KCNN2: variants seen among roughly 807,000 people sequenced by gnomAD.
KCNN2 encodes small conductance calcium-activated potassium channel protein 2.
KCNN2 carries 24 observed loss-of-function variants against 55.5 expected under a neutral mutation model. The ratio of observed to expected loss-of-function variants is 0.43; its 90% CI spans 0.31 to 0.61. The LOEUF is 0.61. KCNN2 is among the 20% of genes least tolerant of loss of function. The pLI is 0.08. For synonymous variants in KCNN2, 431 were observed against 336.1 expected (o/e 1.28, Z -3.09); for missense variants, 754 against 853.6 (o/e 0.88, Z 1.45).
At chr5:114,379,258 C>A (rs922179584) in intron 2 of KCNN2, among the ~76,000 whole-genome samples, 1 of 152,076 alleles carries the variant, frequency 6.6e-6, no homozygotes, top group African/African-American at 2.4e-5. Context: ...CACACACTTG[C>A]AAGAGTCCTC....
intron 4 of KCNN2, among the ~76,000 whole-genome samples, chr5:114,466,912 C>T (rs1447560288): frequency 2.6e-5 from 4 of 152,038 alleles, no homozygotes; most frequent in Admixed American, 6.6e-5. Flanking sequence ...AAAAGCAATG[C>T]GTAAAGCTTT....
At chr5:114,105,200 G>T (rs1751459457) in intron 1 of KCNN2, among the ~76,000 whole-genome samples, 2 of 151,988 alleles carry the variant, frequency 1.3e-5, no homozygotes, top group Admixed American at 1.3e-4. Flanking sequence ...ACCCCGCAGA[G>T]CCTATTTGTT....
At chr5:114,340,099 A>G (rs1756989756) in intron 2 of KCNN2, among the ~76,000 whole-genome samples, 1 of 152,214 alleles carries the variant, frequency 6.6e-6, no homozygotes, top group East Asian at 1.9e-4. Flanking sequence ...TTACACAATG[A>G]AAGACTGTTT....
chr5:114,364,066 G>A (rs1561588198), intron 2 of KCNN2, 65 bp downstream of exon 2: 1 of 1,173,644 alleles, frequency 8.5e-7, no homozygotes, highest in African/African-American at 1.5e-5. Flanking sequence ...GAAACGCAAG[G>A]CAGCAGAGGC....
At chr5:114,376,052 T>C (rs944546779) in intron 2 of KCNN2, among the ~76,000 whole-genome samples, 3 of 150,524 alleles carry the variant, frequency 2.0e-5, no homozygotes, top group African/African-American at 4.9e-5. Context: ...TATTTTTCAG[T>C]TGTTAAGTTT....
At chr5:114,379,957 A>G (rs1271903809) in intron 2 of KCNN2, among the ~76,000 whole-genome samples, 5 of 150,232 alleles carry the variant, frequency 3.3e-5, no homozygotes, top group African/African-American at 4.9e-5. Flanking sequence ...GTAAAAATAT[A>G]TAAGTATAGA....
At chr5:114,449,796 C>G (rs759355308) in intron 3 of KCNN2, among the ~76,000 whole-genome samples, 4 of 151,724 alleles carry the variant, frequency 2.6e-5, no homozygotes, top group Non-Finnish European at 5.9e-5. Flanking sequence ...TCTTGAGAAT[C>G]TCAGAGGGGT....
intron 2 of KCNN2, among the ~76,000 whole-genome samples, chr5:114,273,645 G>A (rs1755420436): frequency 1.3e-5 from 2 of 152,206 alleles, no homozygotes; most frequent in African/African-American, 2.4e-5. Context: ...CTGCACAGAT[G>A]TTTTCTTTTG....
chr5:114,330,671 A>G lies in KCNN2; in HGVS notation c.-184-30274A>G, dbSNP rs138108852. Among the ~76,000 whole-genome samples, 421 of 152,288 alleles carry G rather than the reference A, an allele frequency of 2.8e-3. 1 individual carries two copies. The highest frequency in any genetic ancestry group is 1.0e-2 in the African/African-American group (415 of 41,560). ...GCACACTGCTCTCAATCTGTCTGACAAATTCCCACTCAACCTTTGGAGTGT... is the reference window on the plus strand; with the variant it reads ...GCACACTGCTCTCAATCTGTCTGACGAATTCCCACTCAACCTTTGGAGTGT... On this transcript the variant is annotated intron_variant, in intron 2 of 10. Coordinates refer to the KCNN2 transcript ENST00000512097.
At chr5:114,273,731 G>C (rs1401242367) in intron 2 of KCNN2, among the ~76,000 whole-genome samples, 7 of 152,062 alleles carry the variant, frequency 4.6e-5, no homozygotes, top group Non-Finnish European at 8.8e-5. Context: ...TTAGTTCTTT[G>C]TAGATTCTGG....
chr5:114,080,651 A>T (rs753486911), intron 1 of KCNN2, among the ~76,000 whole-genome samples: 8 of 152,216 alleles, frequency 5.3e-5, no homozygotes, highest in Non-Finnish European at 8.8e-5. Context: ...TGATAAAAAC[A>T]CTAAACATAG....
At chr5:114,448,873 G>T (rs1228702272) in intron 3 of KCNN2, among the ~76,000 whole-genome samples, 1 of 152,218 alleles carries the variant, frequency 6.6e-6, no homozygotes, top group African/African-American at 2.4e-5. Context: ...GGCACCTTAA[G>T]CTGGTTGATT....
At chr5:114,391,968 A>G (rs938372065) in intron 2 of KCNN2, among the ~76,000 whole-genome samples, 2 of 152,082 alleles carry the variant, frequency 1.3e-5, no homozygotes, top group Admixed American at 1.3e-4. Context: ...GAAGAGGTCT[A>G]TGTCAGCCAT....
intron 2 of KCNN2, among the ~76,000 whole-genome samples, chr5:114,355,601 G>T (rs1488247674): frequency 2.0e-5 from 3 of 152,186 alleles, no homozygotes; most frequent in East Asian, 1.9e-4. Flanking sequence ...CCTTTCTCCG[G>T]TTCTCTCACT....
chr5:114,223,276 AC>A (rs1197284758), intron 2 of KCNN2, among the ~76,000 whole-genome samples: 1 of 152,164 alleles, frequency 6.6e-6, no homozygotes, highest in African/African-American at 2.4e-5. Context: ...ATTTCCAAAG[AC>A]ATACAGTGAG....
chr5:114,294,499 G>A lies in KCNN2; in HGVS notation c.-184-66446G>A, dbSNP rs1327731290. On this transcript the variant is annotated intron_variant, in intron 2 of 10. Transcript: ENST00000512097. ...TTGTTCAGTTTCCATGTAGTTGAGC[G>A]GTTTTGAGTGAGTTTCTTAATTCTG... Among the ~76,000 whole-genome samples, 9 of 152,088 alleles carry A rather than the reference G, an allele frequency of 5.9e-5. No homozygotes were observed. In the South Asian group the frequency reaches 8.4e-4, roughly 14 times the overall value.
intron 2 of KCNN2, among the ~76,000 whole-genome samples, chr5:114,276,658 A>AT (rs141201743): frequency 0.084 from 10,933 of 130,368 alleles, 628 homozygotes; most frequent in African/African-American, 0.13. Flanking sequence ...CAACCCCTGC[A>AT]TTTTTTTTTT....
At chr5:114,368,155 CT>C (rs2150049043) in intron 2 of KCNN2, among the ~76,000 whole-genome samples, 2 of 152,136 alleles carry the variant, frequency 1.3e-5, no homozygotes, top group African/African-American at 4.8e-5. Context: ...AGACGGTTGA[CT>C]TTTCATTTAT....
chr5:114,191,326 T>A (rs776989326), intron 1 of KCNN2, among the ~76,000 whole-genome samples: 2 of 152,140 alleles, frequency 1.3e-5, no homozygotes, highest in African/African-American at 4.8e-5. Flanking sequence ...CATATCTTAT[T>A]TATGCTTCAG....
Sources: allele counts gnomAD v4.1 joint callset (sites outside exome capture counted in the v4.1 genomes callset), GRCh38; gene constraint gnomAD v4.1.1; transcripts MANE v1.5; gene names NCBI Gene and HGNC (gene_info 2026-07-23, HGNC 2026-07-21).